ETF1: variants seen among roughly 807,000 people sequenced by gnomAD.
The protein encoded by ETF1 is eukaryotic translation termination factor 1, also known as eukaryotic peptide chain release factor subunit 1.
ETF1 carries 4 observed loss-of-function variants against 55.1 expected under a neutral mutation model. The ratio of observed to expected loss-of-function variants is 0.07; its 90% confidence interval spans 0.04 to 0.17. The LOEUF (loss-of-function observed/expected upper bound fraction) is 0.17. ETF1 is among the 10% of genes least tolerant of loss of function. The pLI is 1.00. For synonymous variants in ETF1, 157 were observed against 182.3 expected (o/e 0.86, Z 1.12); for missense variants, 142 against 523.6 (o/e 0.27, Z 7.11).
At chr5:138,525,286 T>A (rs1580702433) in intron 2 of ETF1, among the ~76,000 whole-genome samples, 1 of 151,886 alleles carries the variant, frequency 6.6e-6, no homozygotes, top group East Asian at 1.9e-4. Flanking sequence ...GCCTCCCAAG[T>A]AGCTGGGAGT....
At chr5:138,530,935 G>C (rs1330080799) in intron 2 of ETF1, among the ~76,000 whole-genome samples, 1 of 152,136 alleles carries the variant, frequency 6.6e-6, no homozygotes, top group Non-Finnish European at 1.5e-5. Flanking sequence ...TCTTCACAGG[G>C]TCATCTCTAG....
chr5:138,524,339 C>A (rs572256047), intron 2 of ETF1, among the ~76,000 whole-genome samples: 1 of 151,768 alleles, frequency 6.6e-6, no homozygotes, highest in South Asian at 2.1e-4. Context: ...GGTGACAGAC[C>A]GAGACTGTCA....
intron 2 of ETF1, among the ~76,000 whole-genome samples, chr5:138,536,425 C>CT (rs1765933513): frequency 6.6e-6 from 1 of 152,124 alleles, no homozygotes. Flanking sequence ...TAAGATAAAA[C>CT]CGTATCAGAG....
At chr5:138,508,494 G>C (rs1035609366) in intron 10 of ETF1, 107 bp from the exon 11 acceptor site, 3 of 1,567,800 alleles carry the variant, frequency 1.9e-6, no homozygotes, top group African/African-American at 2.7e-5. Context: ...CAGAATTGCA[G>C]AAAGCAAAGA....
rs58386195 is a variant in ETF1, at chr5:138,512,197, C to CAAAAAAAAAA, written c.732+557_732+566dup. Among the ~76,000 whole-genome samples, 3 of 2,842 alleles carry CAAAAAAAAAA rather than the reference C, an allele frequency of 1.1e-3. 1 individual carries two copies. Among genetic ancestry groups the CAAAAAAAAAA allele is most frequent in the African/African-American group, 2.9e-3 (2 of 696 alleles). The allele number at this position is 2,842 out of a possible 152,430, so 1.9% of individuals were successfully genotyped here. A position where few individuals can be genotyped will look rare whatever the true frequency, so the allele number is the denominator to read the frequency against. ...TAGGCAAGATAGCCAGACCCAGTCT[C>CAAAAAAAAAA]AAAAAAAAAAAAAAAAAAAAAAAAA... On this transcript the variant is annotated intron_variant, in intron 6 of 10. Transcript: ENST00000360541.
intron 6 of ETF1, 150 bp from the exon 7 acceptor site, chr5:138,511,754 T>A: frequency 7.2e-7 from 1 of 1,388,142 alleles, no homozygotes; most frequent in Admixed American, 3.3e-5. Flanking sequence ...GAGCCCAATT[T>A]AATCAAAAGC....
intron 6 of ETF1, chr5:138,512,025 C>G: frequency 3.8e-6 from 1 of 266,298 alleles, no homozygotes; most frequent in Non-Finnish European, 5.7e-6. Context: ...ATGGTGAAAC[C>G]CTGTCTCTAC....
intron 2 of ETF1, among the ~76,000 whole-genome samples, chr5:138,528,472 A>G (rs1007802160): frequency 6.6e-6 from 1 of 152,350 alleles, no homozygotes. Context: ...AACATTCCAG[A>G]GGACCAAGGA....
intron 2 of ETF1, among the ~76,000 whole-genome samples, chr5:138,534,334 C>T (rs559550703): frequency 6.6e-6 from 1 of 152,296 alleles, no homozygotes; most frequent in South Asian, 2.1e-4. Flanking sequence ...AAGATCTTCA[C>T]AAACCCAGTG....
chr5:138,515,886 C>A (rs1237667764), intron 4 of ETF1, among the ~76,000 whole-genome samples: 1 of 152,192 alleles, frequency 6.6e-6, no homozygotes, highest in Admixed American at 6.6e-5. Flanking sequence ...TGCAGTCGAC[C>A]AAGATCCAAC....
chr5:138,524,724 C>T (rs1337662632), intron 2 of ETF1, among the ~76,000 whole-genome samples: 6 of 151,104 alleles, frequency 4.0e-5, no homozygotes, highest in African/African-American at 1.2e-4. Context: ...ACTACAGGCA[C>T]ACGCCATCAC....
chr5:138,508,973 C>A lies in ETF1; in HGVS notation c.1084-157G>T, dbSNP rs377723882. On this transcript the variant is annotated intron_variant, in intron 9 of 10. Transcript: ENST00000360541. ...TGTAAGTCATCTCTGGTTTTGATAACCTAATGGATATCAGCAGAGAAATTC... is the reference window on the plus strand; with the variant it reads ...TGTAAGTCATCTCTGGTTTTGATAAACTAATGGATATCAGCAGAGAAATTC... 18 of 973,848 alleles carry A rather than the reference C, an allele frequency of 1.8e-5. No individual in the cohort carries two copies. In the African/African-American group the frequency reaches 3.2e-4, roughly 17 times the overall value. 60.3% of individuals were successfully genotyped at this position (973,848 alleles called of 1,614,324 possible).
Position 138,517,750 on chromosome 5 carries a change from C to T in ETF1, c.263-50G>A, listed in dbSNP as rs779887784. On this transcript the variant is annotated intron_variant, in intron 3 of 10. Transcript: ENST00000360541. Reference sequence around the variant, plus strand: ...CTACTTTACCCCATATCTAGTTTTTCGTCAATTAATAGAAAATGTTCCCAT... The same window carrying T: ...CTACTTTACCCCATATCTAGTTTTTTGTCAATTAATAGAAAATGTTCCCAT... 21 of 1,365,974 alleles carry T rather than the reference C, an allele frequency of 1.5e-5. No individual in the cohort carries two copies. In the Admixed American group the frequency reaches 3.1e-4, roughly 20 times the overall value. The allele number at this position is 1,365,974 out of a possible 1,614,324, so 84.6% of individuals were successfully genotyped here.
intron 2 of ETF1, among the ~76,000 whole-genome samples, chr5:138,528,661 AC>A (rs1765573293): frequency 6.6e-6 from 1 of 152,124 alleles, no homozygotes; most frequent in Non-Finnish European, 1.5e-5. Flanking sequence ...GCAAAAAATT[AC>A]CTTTCACTAG....
At chr5:138,508,879 C>T in intron 9 of ETF1, 63 bp from the exon 10 acceptor site, 1 of 1,567,052 alleles carries the variant, frequency 6.4e-7, no homozygotes, top group Non-Finnish European at 8.6e-7. Flanking sequence ...TAATTAGTCC[C>T]TCTCACAGCC....
At chr5:138,540,980 A>G (rs1766148652) in intron 2 of ETF1, among the ~76,000 whole-genome samples, 1 of 152,224 alleles carries the variant, frequency 6.6e-6, no homozygotes, top group African/African-American at 2.4e-5. Flanking sequence ...GGCAAATTAT[A>G]GTCATGATTT....
chr5:138,536,552 G>C (rs956996039), intron 2 of ETF1, among the ~76,000 whole-genome samples: 2 of 152,176 alleles, frequency 1.3e-5, no homozygotes, highest in African/African-American at 4.8e-5. Flanking sequence ...CCCTCACTAA[G>C]ATAGTAGGCT....
At chr5:138,512,459 C>A (rs565609687) in intron 6 of ETF1, among the ~76,000 whole-genome samples, 1 of 151,342 alleles carries the variant, frequency 6.6e-6, no homozygotes, top group Non-Finnish European at 1.5e-5. Context: ...AAATAAGGAA[C>A]AGGTTTTAGT....
chr5:138,524,819 G>GC (rs1186525911), intron 2 of ETF1, among the ~76,000 whole-genome samples: 1 of 151,782 alleles, frequency 6.6e-6, no homozygotes, highest in Non-Finnish European at 1.5e-5. Flanking sequence ...TTCATGATCC[G>GC]CCCGCCTTGG....
Sources: gnomAD v4.1 joint callset for allele counts (sites outside exome capture counted in the v4.1 genomes callset) on GRCh38, gnomAD v4.1.1 for gene constraint, MANE v1.5 for transcripts, NCBI Gene and HGNC (gene_info 2026-07-23, HGNC 2026-07-21) for gene names.